TYW1B: variants seen among roughly 807,000 people sequenced by gnomAD.
TYW1B encodes S-adenosyl-L-methionine-dependent tRNA 4-demethylwyosine synthase TYW1B.
A neutral mutation model predicts 86.9 loss-of-function variants in TYW1B; 73 were observed. That is an observed-to-expected ratio of 0.84 (90% CI 0.70 to 1.02). The LOEUF (loss-of-function observed/expected upper bound fraction) is 1.02, where lower values mean the gene tolerates loss of function less well. Ranked by LOEUF, TYW1B falls within the 50% of genes least tolerant of loss-of-function variation. TYW1B has a pLI of 0.00. For synonymous variants in TYW1B, 248 were observed against 292.8 expected, an observed-to-expected ratio of 0.85 and a Z score of 1.56; for missense variants, 637 against 827.4, an observed-to-expected ratio of 0.77 and a Z score of 2.82.
chr7:72,666,731 A>C (rs1370471343), intron 11 of TYW1B, among the ~76,000 whole-genome samples: 2 of 152,074 alleles, frequency 1.3e-5, no homozygotes, highest in Admixed American at 6.6e-5. Flanking sequence ...CAAAATCTCC[A>C]GTTTTTAAAA....
chr7:72,596,179 CAAAAAAAAAA>C (rs58325295), intron 13 of TYW1B, among the ~76,000 whole-genome samples: 1 of 56,378 alleles, frequency 1.8e-5, no homozygotes, highest in Non-Finnish European at 3.3e-5. Flanking sequence ...AACTCTGTCT[CAAAAAAAAAA>C]AAAAAAAAAA....
At chr7:72,743,844 CAAAAA>C (rs71071911) in intron 8 of TYW1B, among the ~76,000 whole-genome samples, 1 of 87,478 alleles carries the variant, frequency 1.1e-5, no homozygotes, top group Non-Finnish European at 2.5e-5. Context: ...AACTCCATCT[CAAAAA>C]AAAAAAAAAA....
chr7:72,588,196 A>G (rs1355136964), intron 13 of TYW1B, among the ~76,000 whole-genome samples: 1 of 152,256 alleles, frequency 6.6e-6, no homozygotes, highest in Non-Finnish European at 1.5e-5. Flanking sequence ...AACTATAACC[A>G]TAAGATTACA....
chr7:72,820,559 C>G (rs1788809379), intron 2 of TYW1B, among the ~76,000 whole-genome samples: 1 of 152,116 alleles, frequency 6.6e-6, no homozygotes, highest in African/African-American at 2.4e-5. Flanking sequence ...CTACTCCTGG[C>G]AGAGTAGAAG....
At chr7:72,625,882 G>T (rs1247683394) in intron 12 of TYW1B, among the ~76,000 whole-genome samples, 1 of 117,170 alleles carries the variant, frequency 8.5e-6, no homozygotes, top group Non-Finnish European at 1.8e-5. Flanking sequence ...AGAAAGGAGG[G>T]GGGAGAGGTG....
chr7:72,764,911 T>C (rs1176815252), intron 7 of TYW1B, among the ~76,000 whole-genome samples: 11 of 152,214 alleles, frequency 7.2e-5, no homozygotes, highest in African/African-American at 2.4e-4. Context: ...TGGTAAAGTA[T>C]ACTTTTGTGA....
chr7:72,675,263 G>A (rs1554447149), intron 11 of TYW1B, among the ~76,000 whole-genome samples: 1 of 152,024 alleles, frequency 6.6e-6, no homozygotes, highest in Non-Finnish European at 1.5e-5. Context: ...GCCGGGTGTG[G>A]TGGCAGGCAC....
intron 7 of TYW1B, among the ~76,000 whole-genome samples, chr7:72,761,554 G>A (rs575160455): frequency 5.3e-5 from 8 of 150,256 alleles, no homozygotes; most frequent in South Asian, 4.2e-4. Flanking sequence ...TTGTGCCACT[G>A]CACTCCAGTC....
rs782330506 is a variant in TYW1B at position 72,628,923 on chromosome 7, G to A, written c.1581C>T (p.Leu527=). ...TGAAGTCAGGATTCCCCAGGGACAC[G>A]AGCTGCGCGTAGGCCTGGAGCTCGT... ...NVDELQAYAQ[L]VSLGNPDFIE... Residue 527 remains leucine (L), a synonymous_variant, in exon 12 of 14, where the codon CTC becomes CTT. Coordinates refer to ENST00000620995, the MANE Select transcript of TYW1B (RefSeq NM_001145440.3). The A allele has an allele frequency of 1.1e-5, 17 of 1,593,530 alleles. No homozygotes were observed. The highest frequency in any genetic ancestry group is 2.3e-5 in the South Asian group (2 of 87,916).
chr7:72,597,225 A>G (rs1385528084), intron 13 of TYW1B, among the ~76,000 whole-genome samples: 1 of 151,888 alleles, frequency 6.6e-6, no homozygotes, highest in African/African-American at 2.4e-5. Flanking sequence ...CATAGATTGA[A>G]TAAGAAATCA....
At chr7:72,737,402 A>G (rs1231197955) in intron 8 of TYW1B, among the ~76,000 whole-genome samples, 20 of 152,200 alleles carry the variant, frequency 1.3e-4, no homozygotes, top group Admixed American at 1.0e-3. Flanking sequence ...TTGCTTTCCA[A>G]AACTCTGGGT....
intron 8 of TYW1B, among the ~76,000 whole-genome samples, chr7:72,731,726 G>A (rs567590691): frequency 1.5e-4 from 23 of 152,186 alleles, no homozygotes; most frequent in African/African-American, 3.6e-4. Flanking sequence ...GGGGGATCAC[G>A]AGGTCAGGAG....
rs189342641 is a variant in TYW1B, at chr7:72,714,081, T to C, written c.1193-283A>G. ...ATGCAGAATAAGTCCCTTTGCATAATTTGCTTAGCTTTGCATTCTTTCATG... is the reference window on the plus strand; with the variant it reads ...ATGCAGAATAAGTCCCTTTGCATAACTTGCTTAGCTTTGCATTCTTTCATG... On this transcript the variant is annotated intron_variant, in intron 9 of 13. Transcript: ENST00000620995. Among the ~76,000 whole-genome samples, 86 of 152,006 alleles carry C rather than the reference T, an allele frequency of 5.7e-4. 1 individual carries two copies. In the East Asian group the frequency reaches 9.7e-3, roughly 17 times the overall value.
intron 8 of TYW1B, among the ~76,000 whole-genome samples, chr7:72,739,502 A>G (rs1311215831): frequency 6.6e-6 from 1 of 151,186 alleles, no homozygotes; most frequent in South Asian, 2.1e-4. Context: ...GCTATTCAGG[A>G]GGCTGAGGCA....
chr7:72,803,532 T>TA (rs1554476180), intron 5 of TYW1B, among the ~76,000 whole-genome samples: 1 of 152,222 alleles, frequency 6.6e-6, no homozygotes, highest in Non-Finnish European at 1.5e-5. Context: ...GTAGAGAAGT[T>TA]AAGAAATCAC....
chr7:72,693,261 C>A (rs1198601290), intron 11 of TYW1B, among the ~76,000 whole-genome samples: 5 of 151,944 alleles, frequency 3.3e-5, no homozygotes, highest in African/African-American at 1.2e-4. Flanking sequence ...GCTAAGTATG[C>A]CATATGAAAA....
At position 72,828,142 on chromosome 7, in the gene TYW1B, G is replaced by A. The variant is rs1586016437; in HGVS notation, c.-67C>T. 4.4e-6 allele frequency: 7 copies of A among 1,607,372 alleles called. No homozygotes were observed. The highest frequency in any genetic ancestry group is 8.5e-7 in the Non-Finnish European group (1 of 1,177,216). On this transcript the variant is annotated 5_prime_UTR_variant, in exon 1 of 14. Transcript: ENST00000620995. ...GAGCCCAAAGGTTCGCACTGGTACT[G>A]CGAGACGCACCGAGCTACCTCGCGG...
intron 6 of TYW1B, among the ~76,000 whole-genome samples, chr7:72,786,034 G>A (rs1266818870): frequency 1.4e-4 from 21 of 152,066 alleles, no homozygotes; most frequent in African/African-American, 3.6e-4. Context: ...GCATGAACCC[G>A]GGAGGCGGGG....
chr7:72,664,274 T>A lies in TYW1B; in HGVS notation c.1506+30413A>T, dbSNP rs138057662. ...TTTCTTTTTTTTTTCCAAATTAATT[T>A]ATTTTTTCTTTTACCTTGATTCTTT... On this transcript the variant is annotated intron_variant, in intron 11 of 13. Coordinates refer to ENST00000620995, the MANE Select transcript of TYW1B (RefSeq NM_001145440.3). 1.7e-3 allele frequency among the ~76,000 whole-genome samples: 256 copies of A among 152,328 alleles called. 1 individual carries two copies. Among genetic ancestry groups the A allele is most frequent in the African/African-American group, 5.4e-3 (226 of 41,584 alleles).
Sources: gnomAD v4.1 joint callset for allele counts (sites outside exome capture counted in the v4.1 genomes callset) on GRCh38, gnomAD v4.1.1 for gene constraint, MANE v1.5 for transcripts, NCBI Gene and HGNC (gene_info 2026-07-23, HGNC 2026-07-21) for gene names.